PDZD2: variants seen among roughly 807,000 people sequenced by gnomAD.
PDZD2 encodes PDZ domain-containing protein 2.
Under a neutral mutation model 220.7 loss-of-function variants are expected in PDZD2, and 90 were observed. The observed-to-expected ratio is 0.41, with a 90% CI of 0.34 to 0.49. The LOEUF (loss-of-function observed/expected upper bound fraction) is 0.49. PDZD2 is among the 20% of genes least tolerant of loss of function. PDZD2 has a pLI of 0.28. For synonymous variants in PDZD2, 1,375 were observed against 1,450.5 expected, an observed-to-expected ratio of 0.95 and a Z score of 1.18; for missense variants, 3,174 against 3,608.5, an observed-to-expected ratio of 0.88 and a Z score of 3.08.
At chr5:31,976,698 C>CTTTTTTT (rs1561241085) in intron 2 of PDZD2, among the ~76,000 whole-genome samples, 8 of 147,086 alleles carry the variant, frequency 5.4e-5, no homozygotes, top group Non-Finnish European at 1.0e-4. Flanking sequence ...TCTTTCTTTT[C>CTTTTTTT]CTTTTTTTCT....
chr5:31,681,635 A>G (rs1214676111), intron 1 of PDZD2, among the ~76,000 whole-genome samples: 2 of 152,078 alleles, frequency 1.3e-5, no homozygotes, highest in African/African-American at 4.8e-5. Context: ...CTTCCTGTCA[A>G]CACCTCTCCT....
chr5:31,649,174 G>A (rs1322149067), intron 1 of PDZD2, among the ~76,000 whole-genome samples: 2 of 151,362 alleles, frequency 1.3e-5, no homozygotes, highest in East Asian at 2.0e-4. Context: ...CACTGTGCCC[G>A]GCCAGAGGGG....
intron 2 of PDZD2, among the ~76,000 whole-genome samples, chr5:31,927,039 T>C (rs555970829): frequency 6.6e-6 from 1 of 152,244 alleles, no homozygotes; most frequent in Non-Finnish European, 1.5e-5. Flanking sequence ...GACATAAATA[T>C]GGCAACAATA....
intron 1 of PDZD2, among the ~76,000 whole-genome samples, chr5:31,778,165 C>A (rs898510203): frequency 6.6e-6 from 1 of 152,196 alleles, no homozygotes; most frequent in African/African-American, 2.4e-5. Context: ...CCAATCAGCA[C>A]TCTGTGTCTA....
At chr5:31,810,935 A>G (rs753401501) in intron 2 of PDZD2, among the ~76,000 whole-genome samples, 3 of 152,180 alleles carry the variant, frequency 2.0e-5, no homozygotes, top group Non-Finnish European at 4.4e-5. Context: ...GATTTTGAGG[A>G]TGAGAGTTTG....
chr5:32,078,609 G>A (rs1272038535), intron 19 of PDZD2, among the ~76,000 whole-genome samples: 1 of 143,154 alleles, frequency 7.0e-6, no homozygotes. Context: ...TCCAGCCTGG[G>A]CTATACAGTG....
chr5:32,052,470 T>C, intron 8 of PDZD2, 141 bp from the exon 9 acceptor site: 1 of 810,000 alleles, frequency 1.2e-6, no homozygotes, highest in Non-Finnish European at 2.1e-6. Flanking sequence ...TATAGGAAAC[T>C]TTTTTAAGTC....
At chr5:31,878,555 C>CTTGTTTTTTTTTTTTTT (rs1739531670) in intron 2 of PDZD2, among the ~76,000 whole-genome samples, 1 of 48,198 alleles carries the variant, frequency 2.1e-5, no homozygotes, top group Non-Finnish European at 3.7e-5. Context: ...ATGACCTCGG[C>CTTGTTTTTTTTTTTTTT]TTTTTTTTTT....
chr5:31,946,716 C>T (rs191941993), intron 2 of PDZD2, among the ~76,000 whole-genome samples: 83 of 152,228 alleles, frequency 5.5e-4, no homozygotes, highest in African/African-American at 2.0e-3. Flanking sequence ...TGTTAAGAAA[C>T]GGTATCGCTC....
chr5:31,922,762 C>A (rs59782361), intron 2 of PDZD2, among the ~76,000 whole-genome samples: 3 of 152,092 alleles, frequency 2.0e-5, no homozygotes, highest in African/African-American at 4.8e-5. Context: ...TCTGCCCCGC[C>A]CCCCCCTCCG....
At chr5:31,864,752 G>A (rs569235919) in intron 2 of PDZD2, among the ~76,000 whole-genome samples, 2 of 150,632 alleles carry the variant, frequency 1.3e-5, no homozygotes, top group South Asian at 4.2e-4. Flanking sequence ...CCTGACCTCA[G>A]GTGATCTCAC....
At chr5:31,785,134 A>C (rs1176041151) in intron 1 of PDZD2, among the ~76,000 whole-genome samples, 1 of 152,082 alleles carries the variant, frequency 6.6e-6, no homozygotes, top group Non-Finnish European at 1.5e-5. Context: ...GTGGATGCAA[A>C]CATCCTGCCC....
chr5:31,882,064 A>G (rs191358462), intron 2 of PDZD2, among the ~76,000 whole-genome samples: 22 of 152,302 alleles, frequency 1.4e-4, no homozygotes, highest in Non-Finnish European at 3.1e-4. Context: ...CCATCCCGTT[A>G]TTCTGGGTGT....
At chr5:31,964,827 T>A (rs1392528565) in intron 2 of PDZD2, among the ~76,000 whole-genome samples, 1 of 152,214 alleles carries the variant, frequency 6.6e-6, no homozygotes, top group African/African-American at 2.4e-5. Context: ...GCCATTCTCC[T>A]GCCTCAGCCT....
At chr5:31,890,973 C>T (rs1254586053) in intron 2 of PDZD2, among the ~76,000 whole-genome samples, 2 of 152,160 alleles carry the variant, frequency 1.3e-5, no homozygotes, top group African/African-American at 2.4e-5. Context: ...GCTGTCAGTG[C>T]GTCTGGCAAC....
chr5:31,809,650 A>G (rs1410579854), intron 2 of PDZD2, among the ~76,000 whole-genome samples: 1 of 152,202 alleles, frequency 6.6e-6, no homozygotes, highest in East Asian at 1.9e-4. Context: ...AATTTCCAAC[A>G]CTACAATGGC....
chr5:31,856,117 C>A lies in PDZD2; in HGVS notation c.476+56393C>A, dbSNP rs565536070. ...TACAAAATAATATTTTCAGAGTTTG[C>A]ACTCTTACACTGTTTTGTAACTCTC... On this transcript the variant is annotated intron_variant, in intron 2 of 24. Coordinates refer to ENST00000438447, the MANE Select transcript of PDZD2 (RefSeq NM_178140.4). Among the ~76,000 whole-genome samples, 528 of 152,298 alleles carry A rather than the reference C, an allele frequency of 3.5e-3. 5 individuals are homozygous for A. The highest frequency in any genetic ancestry group is 5.0e-3 in the Non-Finnish European group (340 of 68,014).
rs764961122 is a variant in PDZD2 at position 32,089,218 on chromosome 5, C to A, written c.5770C>A (p.His1924Asn). Residue 1924 changes from histidine (H) to asparagine (N), a missense_variant, in exon 20 of 25, where the codon CAC becomes AAC. His to Asn is a moderately conservative substitution (Grantham distance 68). Transcript: ENST00000438447. ...RKPLISPQTSHKTLSKAVSQR... is the reference protein window; with the variant it reads ...RKPLISPQTSNKTLSKAVSQR... Reference sequence around the variant, plus strand: ...ACCCTTGATCTCACCCCAGACCTCCCACAAAACACTTTCTAAGGCAGTGTC... The same window carrying A: ...ACCCTTGATCTCACCCCAGACCTCCAACAAAACACTTTCTAAGGCAGTGTC... 1 of 1,614,172 alleles carries A rather than the reference C, an allele frequency of 6.2e-7. No homozygotes were observed.
At chr5:31,677,666 G>A (rs1746487363) in intron 1 of PDZD2, among the ~76,000 whole-genome samples, 1 of 151,810 alleles carries the variant, frequency 6.6e-6, no homozygotes, top group African/African-American at 2.4e-5. Flanking sequence ...ATGTGATGGA[G>A]TACTATTTAG....
Sources: allele counts gnomAD v4.1 joint callset (sites outside exome capture counted in the v4.1 genomes callset), GRCh38; gene constraint gnomAD v4.1.1; transcripts MANE v1.5; gene names NCBI Gene and HGNC (gene_info 2026-07-23, HGNC 2026-07-21).